PDE6A: variants seen among roughly 807,000 people sequenced by gnomAD.
The protein encoded by PDE6A is phosphodiesterase 6A.
In PDE6A, 84 loss-of-function variants were observed where a neutral mutation model predicts 106.3. The observed-to-expected ratio is 0.79, with a 90% CI of 0.66 to 0.95. PDE6A has a LOEUF of 0.95. Among genes scored for constraint, PDE6A ranks in the 40% least tolerant of loss-of-function variants. PDE6A has a pLI of 0.00. For missense variants in PDE6A, 1,052 were observed against 1,084.9 expected (o/e 0.97, Z 0.43); for synonymous variants, 394 against 386.6 (o/e 1.02, Z -0.23).
chr5:149,916,058 G>A (rs1009360041), intron 5 of PDE6A, among the ~76,000 whole-genome samples: 13 of 152,082 alleles, frequency 8.5e-5, no homozygotes, highest in African/African-American at 3.1e-4. Flanking sequence ...CTGTAGCCTC[G>A]AATTCCTGGG....
chr5:149,861,631 C>A (rs1760146993), intron 21 of PDE6A, among the ~76,000 whole-genome samples: 1 of 152,100 alleles, frequency 6.6e-6, no homozygotes, highest in African/African-American at 2.4e-5. Context: ...GCCTGGGCAA[C>A]AAAGCAAGAC....
At chr5:149,888,468 CAT>C (rs1219287546) in intron 13 of PDE6A, among the ~76,000 whole-genome samples, 3 of 146,902 alleles carry the variant, frequency 2.0e-5, no homozygotes, top group Admixed American at 6.8e-5. Flanking sequence ...ATTCTTAACA[CAT>C]AATTAATATG....
chr5:149,893,631 G>T (rs1049848458), intron 13 of PDE6A, among the ~76,000 whole-genome samples: 1 of 152,152 alleles, frequency 6.6e-6, no homozygotes, highest in Non-Finnish European at 1.5e-5. Context: ...ACTAAATATG[G>T]TTATGCAACC....
intron 13 of PDE6A, among the ~76,000 whole-genome samples, chr5:149,892,514 C>A (rs1752584070): frequency 7.2e-6 from 1 of 139,354 alleles, no homozygotes. Context: ...TTTTTTGAGA[C>A]AATGATTCAC....
intron 21 of PDE6A, among the ~76,000 whole-genome samples, chr5:149,861,221 G>A (rs1396236155): frequency 6.6e-6 from 1 of 152,244 alleles, no homozygotes; most frequent in African/African-American, 2.4e-5. Flanking sequence ...GAGACCAGGG[G>A]AGCTGTGAAC....
At position 149,928,231 on chromosome 5, in the gene PDE6A, A is replaced by ATTTTT. The variant is rs1165259453; in HGVS notation, c.858+2792_858+2796dup. Among the ~76,000 whole-genome samples, 8 of 19,746 alleles carry ATTTTT rather than the reference A, an allele frequency of 4.1e-4. 1 individual carries two copies. The highest frequency in any genetic ancestry group is 2.4e-3 in the African/African-American group (5 of 2,092). 13.0% of individuals were successfully genotyped at this position (19,746 alleles called of 152,430 possible). ...GTGCTATATATATATATATATATAT[A>ATTTTT]TTTTTTTTTTTTTTTTTTTTGAGAC... On this transcript the variant is annotated intron_variant, in intron 4 of 21. Coordinates refer to ENST00000255266, the MANE Select transcript of PDE6A (RefSeq NM_000440.3).
chr5:149,886,878 CA>C (rs1474381392), intron 13 of PDE6A, among the ~76,000 whole-genome samples: 1 of 152,106 alleles, frequency 6.6e-6, no homozygotes, highest in Non-Finnish European at 1.5e-5. Context: ...GTGTTGAAAC[CA>C]AATGTGGGAA....
chr5:149,897,914 C>G (rs1177344671), intron 10 of PDE6A, among the ~76,000 whole-genome samples: 1 of 152,152 alleles, frequency 6.6e-6, no homozygotes, highest in Non-Finnish European at 1.5e-5. Flanking sequence ...TGAGCTGACC[C>G]CACAGGAGGG....
chr5:149,880,060 T>G (rs1288763874), intron 17 of PDE6A, among the ~76,000 whole-genome samples: 1 of 152,194 alleles, frequency 6.6e-6, no homozygotes, highest in Non-Finnish European at 1.5e-5. Context: ...CAGAACTGCC[T>G]TTAGTTCTGC....
At chr5:149,903,147 TAAA>T (rs373566897) in intron 8 of PDE6A, among the ~76,000 whole-genome samples, 2 of 90,980 alleles carry the variant, frequency 2.2e-5, no homozygotes, top group East Asian at 3.4e-4. Flanking sequence ...AGACCCTCTC[TAAA>T]AAAAAAAAAA....
chr5:149,894,114 C>G (rs1447937166), intron 13 of PDE6A, among the ~76,000 whole-genome samples: 1 of 152,114 alleles, frequency 6.6e-6, no homozygotes, highest in Non-Finnish European at 1.5e-5. Context: ...AGTGTTCAGA[C>G]AGGTAGAAGC....
chr5:149,886,042 T>G (rs1752283864), intron 14 of PDE6A, among the ~76,000 whole-genome samples: 1 of 152,240 alleles, frequency 6.6e-6, no homozygotes, highest in African/African-American at 2.4e-5. Flanking sequence ...CCCTTTTGTA[T>G]GTAAGGCAAC....
rs1293333582 is a variant in PDE6A, at chr5:149,858,854, T to G, written c.*2041A>C. The G allele has an allele frequency of 7.6e-6, 1 of 131,920 alleles. No homozygotes were observed. The highest frequency in any genetic ancestry group is 1.6e-5 in the Non-Finnish European group (1 of 64,098). 8.2% of individuals were successfully genotyped at this position (131,920 alleles called of 1,614,324 possible). ...TTTTTTTTTTTTTGAGACGGAGTCTTGCTCTTGTTGCCCAGGCTGGAGTGC... is the reference window on the plus strand; with the variant it reads ...TTTTTTTTTTTTTGAGACGGAGTCTGGCTCTTGTTGCCCAGGCTGGAGTGC... On this transcript the variant is annotated 3_prime_UTR_variant, in exon 22 of 22. Transcript: ENST00000255266.
chr5:149,913,117 C>T (rs1218730385), intron 6 of PDE6A, among the ~76,000 whole-genome samples: 2 of 152,138 alleles, frequency 1.3e-5, no homozygotes, highest in Non-Finnish European at 2.9e-5. Context: ...TGCCAGGGCT[C>T]ATGCCAGTAA....
In PDE6A at chr5:149,903,730, T is replaced by C. The variant is rs771919928; in HGVS notation, c.1066-35A>G. The C allele has an allele frequency of 1.1e-5, 17 of 1,584,336 alleles. No homozygotes were observed. In the South Asian group the frequency reaches 1.9e-4, roughly 18 times the overall value. On this transcript the variant is annotated intron_variant, in intron 7 of 21. Coordinates refer to ENST00000255266, the MANE Select transcript of PDE6A (RefSeq NM_000440.3). ...GTGAAGGGGAATAATGAAGGTGTGA[T>C]TAGGCCTGAGAGGGTGCCCAGTGAA...
At chr5:149,896,298 A>T in intron 12 of PDE6A, 58 bp downstream of exon 12, 1 of 1,406,434 alleles carries the variant, frequency 7.1e-7, no homozygotes, top group Non-Finnish European at 1.0e-6. Flanking sequence ...TCTTTTTTTT[A>T]AAGCAAGCAA....
chr5:149,916,413 A>G (rs1273760324), intron 5 of PDE6A, among the ~76,000 whole-genome samples: 1 of 152,098 alleles, frequency 6.6e-6, no homozygotes, highest in East Asian at 1.9e-4. Context: ...TGCAGGGTGC[A>G]TCTCTATGTC....
chr5:149,937,318 G>A (rs1454672411), intron 1 of PDE6A, among the ~76,000 whole-genome samples: 1 of 152,202 alleles, frequency 6.6e-6, no homozygotes, highest in Non-Finnish European at 1.5e-5. Flanking sequence ...AGGCAGGCAG[G>A]GGCCAGATCC....
chr5:149,872,860 G>C (rs1374492781), intron 17 of PDE6A, among the ~76,000 whole-genome samples: 2 of 152,178 alleles, frequency 1.3e-5, no homozygotes, highest in Non-Finnish European at 2.9e-5. Context: ...ACCAGGAATT[G>C]GCAAACTCTT....
Sources: allele counts gnomAD v4.1 joint callset (sites outside exome capture counted in the v4.1 genomes callset), GRCh38; gene constraint gnomAD v4.1.1; transcripts MANE v1.5; gene names NCBI Gene and HGNC (gene_info 2026-07-23, HGNC 2026-07-21).